Variants in SPHKAP observed in about 807,000 individuals in gnomAD.
SPHKAP encodes SPHK1 interactor, AKAP domain containing.
SPHKAP carries 67 observed loss-of-function variants against 137.5 expected under a neutral mutation model. The observed-to-expected ratio is 0.49, with a 90% CI of 0.40 to 0.60. The LOEUF (loss-of-function observed/expected upper bound fraction) is 0.60. Ranked by LOEUF, SPHKAP falls within the 20% of genes least tolerant of loss-of-function variation. The probability of loss-of-function intolerance (pLI) is 0.00; values close to 1 mark genes in which losing one functional copy is unlikely to be tolerated. For synonymous variants in SPHKAP, 813 were observed against 785.3 expected (o/e 1.04, Z -0.59); for missense variants, 2,097 against 2,069.3 (o/e 1.01, Z -0.26).
intron 2 of SPHKAP, among the ~76,000 whole-genome samples, chr2:228,124,241 C>T (rs1364479859): frequency 6.6e-6 from 1 of 152,130 alleles, no homozygotes; most frequent in African/African-American, 2.4e-5. Flanking sequence ...TGGGTATATA[C>T]CCAAAGGATT....
chr2:228,176,800 G>C (rs887099062), intron 1 of SPHKAP, among the ~76,000 whole-genome samples: 3 of 152,212 alleles, frequency 2.0e-5, no homozygotes, highest in Non-Finnish European at 4.4e-5. Flanking sequence ...AAATCCCGGA[G>C]GGAGGTGGAG....
chr2:228,018,586 C>T lies in SPHKAP; in HGVS notation c.2268G>A (p.Pro756=), dbSNP rs770407283. ...CTTTTGTCCAAGCTTGACTAGCACC[C>T]GGATCAGATGGCTGGCAGCTTGGTT... ...ETEPSCQPSD[P]GASQAWTKAT... is the part of the protein sequence containing the mutation. Residue 756 remains proline (P), a synonymous_variant, in exon 7 of 12, where the codon CCG becomes CCA. Coordinates refer to ENST00000392056, the MANE Select transcript of SPHKAP (RefSeq NM_001142644.2). The T allele has an allele frequency of 3.3e-5, 53 of 1,613,768 alleles. No individual in the cohort carries two copies. The Admixed American group carries it at 4.2e-4, about 13-fold the overall frequency.
rs57078919 is a variant in SPHKAP at position 228,062,605 on chromosome 2, G to GAAAAA, written c.247-35067_247-35063dup. ...CCATACCATGTCTCTATTAAAAATG[G>GAAAAA]AAAAAAAAAATAAAATGCCAAAGCT... On this transcript the variant is annotated intron_variant, in intron 3 of 11. Transcript: ENST00000392056. 6.5e-4 allele frequency among the ~76,000 whole-genome samples: 95 copies of GAAAAA among 146,586 alleles called. No homozygotes were observed. In the South Asian group the frequency reaches 9.6e-3, roughly 15 times the overall value.
At chr2:227,986,054 T>C (rs1403113691) in intron 11 of SPHKAP, among the ~76,000 whole-genome samples, 1 of 152,182 alleles carries the variant, frequency 6.6e-6, no homozygotes, top group East Asian at 1.9e-4. Flanking sequence ...CTAATTGGTT[T>C]GAGCATTGGA....
At chr2:228,080,430 G>A (rs1697325288) in intron 3 of SPHKAP, among the ~76,000 whole-genome samples, 1 of 152,186 alleles carries the variant, frequency 6.6e-6, no homozygotes, top group Non-Finnish European at 1.5e-5. Flanking sequence ...ATGATGTCCA[G>A]GTGTGGTGGC....
chr2:228,074,187 A>G (rs760617715), intron 3 of SPHKAP, among the ~76,000 whole-genome samples: 4 of 152,262 alleles, frequency 2.6e-5, no homozygotes, highest in African/African-American at 9.6e-5. Flanking sequence ...GCAAAAAATT[A>G]CTGTAAGCAT....
intron 3 of SPHKAP, among the ~76,000 whole-genome samples, chr2:228,035,804 G>C (rs951679690): frequency 2.6e-5 from 4 of 152,190 alleles, no homozygotes; most frequent in Non-Finnish European, 5.9e-5. Flanking sequence ...TTTAATAAAT[G>C]GTGCTGGGAA....
At chr2:228,098,714 T>C (rs911026152) in intron 3 of SPHKAP, among the ~76,000 whole-genome samples, 9 of 150,598 alleles carry the variant, frequency 6.0e-5, no homozygotes, top group African/African-American at 2.2e-4. Context: ...TATACATATG[T>C]AACTAACCTG....
intron 2 of SPHKAP, among the ~76,000 whole-genome samples, chr2:228,112,679 T>C (rs1011154814): frequency 6.6e-6 from 1 of 152,084 alleles, no homozygotes; most frequent in Admixed American, 6.6e-5. Context: ...ACCAGGCTAG[T>C]TGGGAGAAGA....
At chr2:228,119,689 G>A (rs1170311579) in intron 2 of SPHKAP, among the ~76,000 whole-genome samples, 1 of 151,846 alleles carries the variant, frequency 6.6e-6, no homozygotes, top group Non-Finnish European at 1.5e-5. Context: ...CTACTAAGAA[G>A]AAACAATAAA....
intron 7 of SPHKAP, among the ~76,000 whole-genome samples, chr2:228,005,778 G>A (rs549311197): frequency 6.6e-6 from 1 of 152,228 alleles, no homozygotes. Context: ...TTGCTTGTCT[G>A]TAAAGTATTT....
At chr2:228,119,635 A>G (rs780946273) in intron 2 of SPHKAP, among the ~76,000 whole-genome samples, 3 of 152,102 alleles carry the variant, frequency 2.0e-5, no homozygotes, top group African/African-American at 7.2e-5. Flanking sequence ...CTTTTCCATT[A>G]TTTCACAGGG....
chr2:228,146,702 T>C (rs1219582943), intron 1 of SPHKAP, among the ~76,000 whole-genome samples: 3 of 152,226 alleles, frequency 2.0e-5, no homozygotes, highest in African/African-American at 7.2e-5. Context: ...TAGTCTCCAG[T>C]TCCACGCGTG....
At chr2:228,113,769 T>C (rs921740058) in intron 2 of SPHKAP, among the ~76,000 whole-genome samples, 6 of 152,014 alleles carry the variant, frequency 3.9e-5, no homozygotes, top group African/African-American at 9.7e-5. Context: ...GCAAATGATC[T>C]GAAGGCCACT....
chr2:228,037,658 A>G (rs1438890699), intron 3 of SPHKAP, among the ~76,000 whole-genome samples: 1 of 152,164 alleles, frequency 6.6e-6, no homozygotes, highest in African/African-American at 2.4e-5. Flanking sequence ...GGTCACTCCA[A>G]TGACTCTCAG....
At chr2:228,158,955 C>G (rs1700192655) in intron 1 of SPHKAP, among the ~76,000 whole-genome samples, 3 of 152,172 alleles carry the variant, frequency 2.0e-5, no homozygotes, top group Admixed American at 2.0e-4. Flanking sequence ...CATTCCGTCC[C>G]CTTCTTTCTG....
chr2:228,072,748 A>G (rs975505775), intron 3 of SPHKAP, among the ~76,000 whole-genome samples: 6 of 151,894 alleles, frequency 4.0e-5, no homozygotes, highest in Admixed American at 1.3e-4. Context: ...ACACTTGAAG[A>G]GGCCACAAAG....
In SPHKAP at chr2:227,993,546, G is replaced by T. The variant is rs368609049; in HGVS notation, c.4709C>A (p.Ser1570Tyr). 3.0e-5 allele frequency: 48 copies of T among 1,602,380 alleles called. No homozygotes were observed. Among genetic ancestry groups the T allele is most frequent in the Non-Finnish European group, 4.1e-5 (48 of 1,174,526 alleles). ...AGTGGCTACTTACTTAATCATGGGA[G>T]AAGATGGCATGCTTTCCTGATAAAT... ...LDIYQESMPS[S>Y]PMINELVEEK... Residue 1570 changes from serine (S) to tyrosine (Y), a missense_variant, in exon 9 of 12, where the codon TCT becomes TAT. By Grantham distance (144) the Ser-to-Tyr change is moderately radical (BLOSUM62 -2). Transcript: ENST00000392056.
intron 7 of SPHKAP, among the ~76,000 whole-genome samples, chr2:228,009,945 G>T (rs1378501416): frequency 6.6e-6 from 1 of 152,150 alleles, no homozygotes; most frequent in African/African-American, 2.4e-5. Context: ...GCGTCATGGG[G>T]CTGTACCTAT....
Sources: gnomAD v4.1 joint callset for allele counts (sites outside exome capture counted in the v4.1 genomes callset) on GRCh38, gnomAD v4.1.1 for gene constraint, MANE v1.5 for transcripts, NCBI Gene and HGNC (gene_info 2026-07-23, HGNC 2026-07-21) for gene names.